The following PGAP2 variants were observed in gnomAD, a reference collection of about 807,000 sequenced individuals.
PGAP2 encodes the protein acyltransferase PGAP2.
In PGAP2, 21 loss-of-function variants were observed where a neutral mutation model predicts 33.2. The ratio of observed to expected loss-of-function variants is 0.63; its 90% confidence interval spans 0.45 to 0.91. The LOEUF is 0.91. PGAP2 is among the 40% of genes least tolerant of loss of function. PGAP2 has a pLI of 0.00. For missense variants in PGAP2, 345 were observed against 424.0 expected, an observed-to-expected ratio of 0.81 and a Z score of 1.64; for synonymous variants, 161 against 172.9, an observed-to-expected ratio of 0.93 and a Z score of 0.54.
chr11:3,819,080 ACT>A (rs2087857281), intron 3 of PGAP2, among the ~76,000 whole-genome samples: 3 of 152,094 alleles, frequency 2.0e-5, no homozygotes, highest in Admixed American at 2.0e-4. Flanking sequence ...ACAGGATCTC[ACT>A]CTGTCTCCCA....
At chr11:3,797,956 T>A in exon 1 of PGAP2, 1 of 1,547,752 alleles carries the variant, frequency 6.5e-7, no homozygotes, top group Non-Finnish European at 8.7e-7. Context: ...CTCGGGCCAA[T>A]CAGAGGGACG....
chr11:3,821,162 T>C (rs569682391), intron 3 of PGAP2, among the ~76,000 whole-genome samples: 1 of 152,278 alleles, frequency 6.6e-6, no homozygotes, highest in Admixed American at 6.5e-5. Context: ...TCCATCTCCT[T>C]TTTTGTGGAG....
intron 1 of PGAP2, among the ~76,000 whole-genome samples, chr11:3,802,054 T>G (rs1209289163): frequency 6.7e-6 from 1 of 148,846 alleles, no homozygotes; most frequent in Admixed American, 6.9e-5. Context: ...TGTCTTTTTT[T>G]CTTTTATTTC....
At chr11:3,798,133 C>T (rs1006402317) in intron 1 of PGAP2, 9 of 1,448,808 alleles carry the variant, frequency 6.2e-6, no homozygotes, top group African/African-American at 1.5e-5. Context: ...CCCGAGGCTT[C>T]TTCAGGGCCC....
chr11:3,797,726 A>T (rs1252026587), upstream of PGAP2: 3 of 1,154,628 alleles, frequency 2.6e-6, no homozygotes, highest in Non-Finnish European at 3.6e-6. Flanking sequence ...GGGCAGAAGG[A>T]GTTCGGGGAG....
chr11:3,804,230 A>T (rs540403782), upstream of PGAP2, among the ~76,000 whole-genome samples: 1 of 152,114 alleles, frequency 6.6e-6, no homozygotes, highest in African/African-American at 2.4e-5. Flanking sequence ...GGAAGGATAG[A>T]GTTTCCTGAG....
At chr11:3,800,537 C>T (rs988686632) in intron 1 of PGAP2, among the ~76,000 whole-genome samples, 2 of 151,898 alleles carry the variant, frequency 1.3e-5, no homozygotes, top group African/African-American at 4.8e-5. Flanking sequence ...TTGGGCCAGG[C>T]GGGATGGCTC....
upstream of PGAP2, chr11:3,808,435 G>A: frequency 6.5e-7 from 1 of 1,532,030 alleles, no homozygotes; most frequent in Non-Finnish European, 8.8e-7. Flanking sequence ...ATGGTTTGAG[G>A]ACACGCCAGA....
rs375995049 is a variant in PGAP2 at position 3,811,228 on chromosome 11, C to T, written c.-10-22C>T. 6.3e-7 allele frequency: 1 copy of T among 1,599,702 alleles called. No individual in the cohort carries two copies. Among genetic ancestry groups the T allele is most frequent in the African/African-American group, 1.3e-5 (1 of 74,874 alleles). On this transcript the variant is annotated intron_variant, in intron 1 of 6. Coordinates refer to ENST00000278243, the MANE Select transcript of PGAP2 (RefSeq NM_014489.4). The surrounding 1 kb of genome is among the most constrained non-coding windows in gnomAD (Gnocchi z 4.6). ...CCAGCCTGGCTGCCTGGGGCCCTGA[C>T]AGCATGCCACTCCATCCCCAGGTCT... is the stretch of plus-strand genomic sequence containing the variant.
At position 3,825,395 on chromosome 11, in the gene PGAP2, C is replaced by T; in HGVS notation, c.885C>T (p.Ala295=). Residue 295 remains alanine, a synonymous_variant, in exon 7 of 7, where the codon GCC becomes GCT. Coordinates refer to ENST00000278243, the MANE Select transcript of PGAP2 (RefSeq NM_014489.4). ...CCAACATGGCGTTCCACATGACGGC[C>T]TGGTGGGACTTCGGGAACAAGGAGC... is the stretch of plus-strand genomic sequence containing the variant. The part of the protein sequence containing the change: ...VLTNMAFHMT[A]WWDFGNKELL... 1 of 1,613,924 alleles carries T rather than the reference C, an allele frequency of 6.2e-7. No individual in the cohort carries two copies. Among genetic ancestry groups the T allele is most frequent in the Admixed American group, 1.7e-5 (1 of 60,018 alleles).
intron 1 of PGAP2, among the ~76,000 whole-genome samples, chr11:3,799,984 G>A (rs777869987): frequency 6.6e-6 from 1 of 152,154 alleles, no homozygotes; most frequent in Non-Finnish European, 1.5e-5. Flanking sequence ...AAAAAAGGTG[G>A]TGGGTTGTAA....
chr11:3,825,728 A>AG lies in PGAP2; in HGVS notation c.*270_*271insG, dbSNP rs1486345585. On this transcript the variant is annotated 3_prime_UTR_variant, in exon 7 of 7. Transcript: ENST00000278243. Reference sequence around the variant, plus strand: ...AGAGCTCCACCATTTGGTGCTAAAAAAAAAAACGTCCTGAGGTTCATGACC... The same window carrying AG: ...AGAGCTCCACCATTTGGTGCTAAAAAGAAAAAACGTCCTGAGGTTCATGACC... The AG allele has an allele frequency of 1.9e-5, 6 of 307,990 alleles. No individual in the cohort carries two copies. The highest frequency in any genetic ancestry group is 3.1e-5 in the Non-Finnish European group (5 of 163,634). 19.1% of individuals were successfully genotyped at this position (307,990 alleles called of 1,614,324 possible). A position where few individuals can be genotyped will look rare whatever the true frequency, so the allele number is the denominator to read the frequency against.
chr11:3,824,828 C>T, intron 5 of PGAP2, 192 bp from the exon 6 acceptor site: 4 of 1,437,496 alleles, frequency 2.8e-6, no homozygotes, highest in South Asian at 3.0e-5. Flanking sequence ...GCTCCTCGGC[C>T]CATCACTCCC....
chr11:3,806,468 T>G (rs542627714), upstream of PGAP2, among the ~76,000 whole-genome samples: 1 of 151,958 alleles, frequency 6.6e-6, no homozygotes, highest in Admixed American at 6.6e-5. Flanking sequence ...CCCCTCAGAG[T>G]GCGTCTGAGG....
intron 1 of PGAP2, among the ~76,000 whole-genome samples, chr11:3,801,813 C>G (rs1378445472): frequency 4.6e-5 from 7 of 151,868 alleles, no homozygotes; most frequent in Admixed American, 6.6e-5. Flanking sequence ...GGCATAGTTG[C>G]CCACGCCTGT....
intron 3 of PGAP2, chr11:3,823,608 C>T (rs1245678292): frequency 6.5e-7 from 1 of 1,536,264 alleles, no homozygotes; most frequent in Non-Finnish European, 8.7e-7. Flanking sequence ...ATTGACCAAA[C>T]ACAGGCAGGT....
At chr11:3,818,731 A>G (rs1023380455) in intron 3 of PGAP2, among the ~76,000 whole-genome samples, 1 of 152,234 alleles carries the variant, frequency 6.6e-6, no homozygotes, top group Non-Finnish European at 1.5e-5. Context: ...GCATGGAATT[A>G]GATATGGACT....
intron 6 of PGAP2, 89 bp downstream of exon 6, chr11:3,825,217 G>A: frequency 6.4e-7 from 1 of 1,555,530 alleles, no homozygotes; most frequent in East Asian, 2.2e-5. Context: ...CTTGGGGACT[G>A]GCTGCCATTG....
intron 3 of PGAP2, among the ~76,000 whole-genome samples, chr11:3,820,889 A>G (rs894168417): frequency 2.6e-5 from 4 of 152,196 alleles, no homozygotes; most frequent in African/African-American, 9.6e-5. Context: ...TACCCATTTT[A>G]CCAATGAGGA....
Sources: allele counts gnomAD v4.1 joint callset (sites outside exome capture counted in the v4.1 genomes callset), GRCh38; gene constraint gnomAD v4.1.1; non-coding constraint Gnocchi (gnomAD v3.1); transcripts MANE v1.5; gene names NCBI Gene and HGNC (gene_info 2026-07-23, HGNC 2026-07-21).